Variants in UNC80 observed in about 807,000 individuals in gnomAD.
UNC80 encodes unc-80 subunit of NALCN channel complex, also known as protein unc-80 homolog.
UNC80 carries 164 observed loss-of-function variants against 384.6 expected under a neutral mutation model. That is an observed-to-expected ratio of 0.43 (90% CI 0.38 to 0.49). UNC80 has a LOEUF of 0.49. UNC80 is among the 20% of genes least tolerant of loss of function. UNC80 has a pLI of 0.00. For synonymous variants in UNC80, 1,486 were observed against 1,527.8 expected, an observed-to-expected ratio of 0.97 and a Z score of 0.64; for missense variants, 3,330 against 4,143.0, an observed-to-expected ratio of 0.80 and a Z score of 5.39.
In UNC80 at chr2:209,786,156, G is replaced by A. The variant is rs144011305; in HGVS notation, c.691G>A (p.Ala231Thr). ...HRQPGVSGFTALVKPIRNIIT... is the reference protein window; with the variant it reads ...HRQPGVSGFTTLVKPIRNIIT... ...ACAGCCCGGAGTCTCTGGCTTTACCGCACTGGTGAAGCCCATCAGGAACAT... is the reference window on the plus strand; with the variant it reads ...ACAGCCCGGAGTCTCTGGCTTTACCACACTGGTGAAGCCCATCAGGAACAT... Residue 231 changes from alanine to threonine, a missense_variant, in exon 5 of 65, where the codon GCA becomes ACA. Transcript: ENST00000673920. 106 of 1,613,900 alleles carry A rather than the reference G, an allele frequency of 6.6e-5. 1 individual carries two copies. In the African/African-American group the frequency reaches 8.7e-4, roughly 13 times the overall value.
At chr2:209,973,396 G>T in intron 56 of UNC80, 126 bp downstream of exon 56, 1 of 962,744 alleles carries the variant, frequency 1.0e-6, no homozygotes. Flanking sequence ...ACTTAACTCA[G>T]AAAGAATTTA....
intron 35 of UNC80, among the ~76,000 whole-genome samples, chr2:209,923,206 ATG>A (rs1288600944): frequency 6.6e-6 from 1 of 152,112 alleles, no homozygotes; most frequent in Non-Finnish European, 1.5e-5. Flanking sequence ...ATTAGGTCCA[ATG>A]TGTGTGTTTT....
In UNC80 at chr2:209,998,184, A is replaced by T. The variant is rs2093510486; in HGVS notation, c.*2589A>T. ...TCAGCAAAGAGGTTGCTTCTTCTGA[A>T]ATTAGCTTTTGAGAGACCTTGGAAT... is the stretch of plus-strand genomic sequence containing the variant. On this transcript the variant is annotated 3_prime_UTR_variant, in exon 65 of 65. Transcript: ENST00000673920. 1 of 152,214 alleles carries T rather than the reference A, an allele frequency of 6.6e-6. No individual in the cohort carries two copies. Among genetic ancestry groups the T allele is most frequent in the Non-Finnish European group, 1.5e-5 (1 of 68,036 alleles). The allele number at this position is 152,214 out of a possible 1,614,324, so 9.4% of individuals were successfully genotyped here.
intron 33 of UNC80, among the ~76,000 whole-genome samples, chr2:209,918,973 T>C (rs1273078029): frequency 6.6e-6 from 1 of 152,178 alleles, no homozygotes; most frequent in African/African-American, 2.4e-5. Flanking sequence ...AACATACTTA[T>C]TTAACCAATA....
chr2:209,982,407 A>G (rs1233893994), intron 60 of UNC80, 90 bp downstream of exon 60: 3 of 1,388,184 alleles, frequency 2.2e-6, no homozygotes, highest in Non-Finnish European at 2.8e-6. Context: ...AAAGACAGAA[A>G]GAGAAGCAAG....
At chr2:209,832,339 A>T (rs983110041) in intron 16 of UNC80, among the ~76,000 whole-genome samples, 2 of 152,170 alleles carry the variant, frequency 1.3e-5, no homozygotes, top group Non-Finnish European at 2.9e-5. Flanking sequence ...CTTAATTACC[A>T]CCAAGAAGAT....
chr2:209,996,074 G>C lies in UNC80; in HGVS notation c.*479G>C, dbSNP rs967189078. 6.5e-6 allele frequency: 1 copy of C among 153,866 alleles called. No individual in the cohort carries two copies. The highest frequency in any genetic ancestry group is 1.4e-5 in the Non-Finnish European group (1 of 69,348). The allele number at this position is 153,866 out of a possible 1,614,324, so 9.5% of individuals were successfully genotyped here. ...AATTTACATAAAAAAATAATTAATAGGAAAAATATTACTTTGGGGAGACTA... is the reference window on the plus strand; with the variant it reads ...AATTTACATAAAAAAATAATTAATACGAAAAATATTACTTTGGGGAGACTA... On this transcript the variant is annotated 3_prime_UTR_variant, in exon 65 of 65. Transcript: ENST00000673920.
intron 29 of UNC80, among the ~76,000 whole-genome samples, chr2:209,911,653 C>T (rs2088958562): frequency 6.6e-6 from 1 of 151,860 alleles, no homozygotes; most frequent in South Asian, 2.1e-4. Context: ...GTTTTTTTTC[C>T]CTTGGCTAGA....
Position 209,921,569 on chromosome 2 carries a change from C to T in UNC80, c.5413C>T (p.Gln1805Ter), listed in dbSNP as rs1364170713. The T allele has an allele frequency of 1.2e-5, 18 of 1,551,566 alleles. No homozygotes were observed. In the Admixed American group the frequency reaches 3.5e-4, roughly 30 times the overall value. ...RAEHILKNLQ[Q>*]EEEKKRLGRE... ...AGAACACATCTTAAAGAACTTGCAG[C>T]AGGAGGAAGAAAAGAAACGACTTGG... Residue 1805 changes from glutamine to a stop codon, truncating the protein, a stop_gained, in exon 34 of 65, where the codon CAG becomes TAG. Coordinates refer to ENST00000673920, the MANE Select transcript of UNC80 (RefSeq NM_001371986.1). LOFTEE classifies it high-confidence loss of function.
chr2:209,820,867 C>A (rs902251722), intron 13 of UNC80, among the ~76,000 whole-genome samples, 188 bp downstream of exon 13: 1 of 152,180 alleles, frequency 6.6e-6, no homozygotes. Context: ...CAACTGTACT[C>A]TAAATCCAAT....
chr2:209,966,654 A>G (rs1214375351), intron 51 of UNC80, among the ~76,000 whole-genome samples: 1 of 152,216 alleles, frequency 6.6e-6, no homozygotes, highest in African/African-American at 2.4e-5. Context: ...GACACTTAGG[A>G]CATCAACACT....
chr2:209,930,582 T>C (rs146655048), intron 37 of UNC80, among the ~76,000 whole-genome samples: 197 of 152,284 alleles, frequency 1.3e-3, no homozygotes, highest in Middle Eastern at 6.8e-3. Context: ...CACAAAAACA[T>C]GGTTTGTTTA....
intron 22 of UNC80, among the ~76,000 whole-genome samples, chr2:209,866,527 C>CACACACACACACACACAT (rs774958486): frequency 1.3e-3 from 122 of 90,948 alleles, no homozygotes; most frequent in African/African-American, 5.0e-3. Flanking sequence ...CACACACACA[C>CACACACACACACACACAT]ACACACAGAG....
intron 48 of UNC80, 62 bp downstream of exon 48, chr2:209,954,332 A>G: frequency 3.7e-6 from 5 of 1,366,730 alleles, no homozygotes; most frequent in Non-Finnish European, 4.8e-6. Flanking sequence ...AAAAAAAAAA[A>G]ATAAGAAAAA....
intron 7 of UNC80, chr2:209,808,837 G>A: frequency 9.1e-6 from 1 of 109,792 alleles, no homozygotes; most frequent in South Asian, 7.6e-5. Flanking sequence ...GAAGCTCCCT[G>A]ACCCTGATCG....
intron 23 of UNC80, 124 bp from the exon 24 acceptor site, chr2:209,877,830 A>G: frequency 1.2e-5 from 13 of 1,119,340 alleles, no homozygotes; most frequent in Non-Finnish European, 1.5e-5. Context: ...ACTGTGGCAT[A>G]CAGAAGAGGC....
At chr2:209,808,732 A>T in intron 7 of UNC80, 1 of 56,166 alleles carries the variant, frequency 1.8e-5, no homozygotes, top group Non-Finnish European at 3.1e-5. Context: ...TCATTGCTCC[A>T]AGGCTCGGCC....
Position 209,819,239 on chromosome 2 carries a change from A to G in UNC80, c.1940A>G (p.Lys647Arg), listed in dbSNP as rs1370143975. Residue 647 changes from lysine (K) to arginine (R), a missense_variant, in exon 12 of 65, where the codon AAG becomes AGG. By Grantham distance (26) the Lys-to-Arg change is conservative (BLOSUM62 2). This residue lies in a region of UNC80 where 937 missense variants were observed against 1,026.8 expected (regional missense o/e 0.91). Coordinates refer to ENST00000673920, the MANE Select transcript of UNC80 (RefSeq NM_001371986.1). Reference sequence around the variant, plus strand: ...GACGGGACCAATAACTTTGTCCACAAGAATGGAATGCTTGATCTTTCTGTA... The same window carrying G: ...GACGGGACCAATAACTTTGTCCACAGGAATGGAATGCTTGATCTTTCTGTA... ...HIDGTNNFVH[K>R]NGMLDLSVVL... 15 of 1,550,168 alleles carry G rather than the reference A, an allele frequency of 9.7e-6. No individual in the cohort carries two copies. The Admixed American group carries it at 1.4e-4, about 14-fold the overall frequency.
chr2:209,794,576 G>A lies in UNC80; in HGVS notation c.938+717G>A, dbSNP rs929846943. Reference sequence around the variant, plus strand: ...TAACCTATTTTAAGTTTACAGTTTTGTATGGTTTGGCTGTGCCCCACTAAA... The same window carrying A: ...TAACCTATTTTAAGTTTACAGTTTTATATGGTTTGGCTGTGCCCCACTAAA... On this transcript the variant is annotated intron_variant, in intron 7 of 64. Coordinates refer to ENST00000673920, the MANE Select transcript of UNC80 (RefSeq NM_001371986.1). Among the ~76,000 whole-genome samples, 3 of 152,238 alleles carry A rather than the reference G, an allele frequency of 2.0e-5. No individual in the cohort carries two copies. In the East Asian group the frequency reaches 5.8e-4, roughly 29 times the overall value.
Sources: allele counts gnomAD v4.1 joint callset (sites outside exome capture counted in the v4.1 genomes callset), GRCh38; gene constraint gnomAD v4.1.1; regional missense constraint gnomAD v4.1.1; transcripts MANE v1.5; gene names NCBI Gene and HGNC (gene_info 2026-07-23, HGNC 2026-07-21).